Variants in KCNT2 observed in about 807,000 individuals in gnomAD.
KCNT2 encodes potassium sodium-activated channel subfamily T member 2, also known as potassium channel subfamily T member 2.
KCNT2 carries 67 observed loss-of-function variants against 153.8 expected under a neutral mutation model. The observed-to-expected ratio is 0.44, with a 90% CI of 0.36 to 0.53. The LOEUF is 0.53. Ranked by LOEUF, KCNT2 falls within the 20% of genes least tolerant of loss-of-function variation. The pLI is 0.00. For missense variants in KCNT2, 975 were observed against 1,354.8 expected, an observed-to-expected ratio of 0.72 and a Z score of 4.40; for synonymous variants, 500 against 458.8, an observed-to-expected ratio of 1.09 and a Z score of -1.15.
chr1:196,407,637 A>AT (rs1671939606), intron 12 of KCNT2, among the ~76,000 whole-genome samples: 1 of 151,412 alleles, frequency 6.6e-6, no homozygotes, highest in Non-Finnish European at 1.5e-5. Context: ...CTTGAAAAAA[A>AT]CAGTGAAAAA....
intron 26 of KCNT2, among the ~76,000 whole-genome samples, chr1:196,253,062 G>T (rs1028342507): frequency 1.3e-5 from 2 of 150,692 alleles, no homozygotes; most frequent in African/African-American, 4.9e-5. Flanking sequence ...TATTTATATT[G>T]CTTGGGTTTC....
chr1:196,485,151 A>G (rs1469932307), intron 3 of KCNT2, among the ~76,000 whole-genome samples: 2 of 152,040 alleles, frequency 1.3e-5, no homozygotes, highest in Admixed American at 6.6e-5. Context: ...TTTTAGGGAC[A>G]TGGATGAAGG....
At chr1:196,378,006 G>T (rs2148352773) in intron 13 of KCNT2, among the ~76,000 whole-genome samples, 1 of 152,128 alleles carries the variant, frequency 6.6e-6, no homozygotes, top group African/African-American at 2.4e-5. Flanking sequence ...TCTTAGAAAA[G>T]AACTTTGAAC....
intron 14 of KCNT2, among the ~76,000 whole-genome samples, chr1:196,350,396 A>C (rs1388336385): frequency 1.3e-5 from 2 of 152,162 alleles, no homozygotes; most frequent in Non-Finnish European, 1.5e-5. Context: ...AACGATTGCC[A>C]TTCTGACTGG....
rs749915499 is a variant in KCNT2, at chr1:196,340,547, A to G, written c.1577T>C (p.Val526Ala). The change falls in exon 16 of 28, where the codon GTT (valine) becomes GCT (alanine). Residue 526 changes from valine (V) to alanine (A), a missense_variant. Physicochemically the swap from Val to Ala is moderately conservative, Grantham distance 64. Coordinates refer to ENST00000294725, the MANE Select transcript of KCNT2 (RefSeq NM_198503.5). Reference protein sequence around the residue: ...HKKFGVCLIGVRREDNKNILL... With the variant: ...HKKFGVCLIGARREDNKNILL... ...AATGTTTTTATTATCCTCCCTCCTA[A>G]CACCAATCAAGCAGACGCCAAACCT... is the stretch of plus-strand genomic sequence containing the variant. 6.3e-7 allele frequency: 1 copy of G among 1,585,262 alleles called. No homozygotes were observed. The highest frequency in any genetic ancestry group is 1.2e-5 in the South Asian group (1 of 85,318).
chr1:196,489,080 C>T (rs1453967062), intron 3 of KCNT2, among the ~76,000 whole-genome samples: 5 of 151,854 alleles, frequency 3.3e-5, no homozygotes, highest in Non-Finnish European at 7.4e-5. Context: ...GAGCAGGAAA[C>T]TTAATTTCCC....
At chr1:196,529,634 C>A (rs899793602) in intron 1 of KCNT2, among the ~76,000 whole-genome samples, 2 of 152,082 alleles carry the variant, frequency 1.3e-5, no homozygotes, top group African/African-American at 2.4e-5. Context: ...GCTTCAGCAG[C>A]TGATTCTAAT....
chr1:196,350,546 A>T (rs1235391480), intron 14 of KCNT2, among the ~76,000 whole-genome samples: 3 of 150,328 alleles, frequency 2.0e-5, no homozygotes, highest in Middle Eastern at 3.4e-3. Context: ...CCACTTTTTG[A>T]TGGGGTTGTT....
At chr1:196,504,652 A>T (rs906557380) in intron 1 of KCNT2, among the ~76,000 whole-genome samples, 4 of 152,180 alleles carry the variant, frequency 2.6e-5, no homozygotes, top group African/African-American at 9.7e-5. Context: ...TCCCTGAGGA[A>T]TCGCCACACT....
At chr1:196,277,966 A>G (rs987074817) in intron 25 of KCNT2, among the ~76,000 whole-genome samples, 1 of 152,150 alleles carries the variant, frequency 6.6e-6, no homozygotes, top group African/African-American at 2.4e-5. Flanking sequence ...AGAGATATGC[A>G]CTTTAATGGT....
Position 196,243,126 on chromosome 1 carries a change from G to A in KCNT2, c.3212-7056C>T, listed in dbSNP as rs142980764. Reference sequence around the variant, plus strand: ...ACTGATTTCAAGAAGCAGTTTTCTAGGAATAATAAAATGTGTTTCTATTTT... The same window carrying A: ...ACTGATTTCAAGAAGCAGTTTTCTAAGAATAATAAAATGTGTTTCTATTTT... On this transcript the variant is annotated intron_variant, in intron 26 of 27. Coordinates refer to ENST00000294725, the MANE Select transcript of KCNT2 (RefSeq NM_198503.5). 1.2e-3 allele frequency among the ~76,000 whole-genome samples: 179 copies of A among 152,198 alleles called. 1 individual carries two copies. The highest frequency in any genetic ancestry group is 4.2e-3 in the African/African-American group (173 of 41,524).
intron 26 of KCNT2, among the ~76,000 whole-genome samples, chr1:196,249,919 A>G (rs1655802171): frequency 6.6e-6 from 1 of 152,152 alleles, no homozygotes; most frequent in African/African-American, 2.4e-5. Flanking sequence ...TACAAAGTAA[A>G]CTAAAGACAT....
At chr1:196,472,776 A>G (rs1678209646) in intron 5 of KCNT2, among the ~76,000 whole-genome samples, 1 of 152,290 alleles carries the variant, frequency 6.6e-6, no homozygotes, top group South Asian at 2.1e-4. Context: ...TAATTTGTAA[A>G]TAGATCTTGA....
Position 196,331,148 on chromosome 1 carries a change from G to A in KCNT2, c.2103+8C>T, listed in dbSNP as rs1313351725. 1.4e-5 allele frequency: 21 copies of A among 1,465,210 alleles called. No homozygotes were observed. The highest frequency in any genetic ancestry group is 5.6e-5 in the African/African-American group (4 of 71,810). 90.8% of individuals were successfully genotyped at this position (1,465,210 alleles called of 1,614,324 possible). A position where few individuals can be genotyped will look rare whatever the true frequency, so the allele number is the denominator to read the frequency against. ...TTTGTAAACAAAAAAGCATCAACAAGTACTTACCTTGTCTAATCTTAAGCA... is the reference window on the plus strand; with the variant it reads ...TTTGTAAACAAAAAAGCATCAACAAATACTTACCTTGTCTAATCTTAAGCA... On this transcript the variant is annotated splice_region_variant and intron_variant, in intron 18 of 27. Coordinates refer to ENST00000294725, the MANE Select transcript of KCNT2 (RefSeq NM_198503.5).
At chr1:196,525,375 T>G (rs192323818) in intron 1 of KCNT2, among the ~76,000 whole-genome samples, 20 of 152,304 alleles carry the variant, frequency 1.3e-4, no homozygotes, top group Admixed American at 2.0e-4. Flanking sequence ...TTTTATGCTT[T>G]TTGTTCGTAA....
At chr1:196,339,960 T>C (rs758136504) in intron 16 of KCNT2, among the ~76,000 whole-genome samples, 29 of 152,018 alleles carry the variant, frequency 1.9e-4, no homozygotes, top group Admixed American at 3.3e-4. Flanking sequence ...AAGTGTGTGG[T>C]GCTTTATATA....
At chr1:196,550,173 C>T (rs1463443689) in intron 1 of KCNT2, among the ~76,000 whole-genome samples, 5 of 151,864 alleles carry the variant, frequency 3.3e-5, no homozygotes, top group Non-Finnish European at 7.4e-5. Context: ...TTCAATCCCA[C>T]TCCCATATGC....
chr1:196,418,927 G>C (rs527436417), intron 12 of KCNT2, among the ~76,000 whole-genome samples: 1 of 152,112 alleles, frequency 6.6e-6, no homozygotes, highest in Admixed American at 6.6e-5. Context: ...CTCCCCAGAG[G>C]TGGCCTTCCT....
At position 196,489,827 on chromosome 1, in the gene KCNT2, A is replaced by T; in HGVS notation, c.275+11T>A. On this transcript the variant is annotated intron_variant, in intron 3 of 27. Coordinates refer to ENST00000294725, the MANE Select transcript of KCNT2 (RefSeq NM_198503.5). ...AATAATATTGTTGAAGGTCAGAAAA[A>T]GGTACCTTACCATTCATTTCCTTGT... 3 of 1,337,528 alleles carry T rather than the reference A, an allele frequency of 2.2e-6. No individual in the cohort carries two copies. Among genetic ancestry groups the T allele is most frequent in the Non-Finnish European group, 3.2e-6 (3 of 949,158 alleles). The allele number at this position is 1,337,528 out of a possible 1,614,324, so 82.9% of individuals were successfully genotyped here.
Sources: allele counts gnomAD v4.1 joint callset (sites outside exome capture counted in the v4.1 genomes callset), GRCh38; gene constraint gnomAD v4.1.1; transcripts MANE v1.5; gene names NCBI Gene and HGNC (gene_info 2026-07-23, HGNC 2026-07-21).